SLC9A9: variants seen among roughly 807,000 people sequenced by gnomAD.
SLC9A9 encodes the protein sodium/hydrogen exchanger 9.
Under a neutral mutation model 77.8 loss-of-function variants are expected in SLC9A9, and 62 were observed. That is an observed-to-expected ratio of 0.80 (90% CI 0.65 to 0.98). The LOEUF is 0.98. SLC9A9 is among the 50% of genes least tolerant of loss of function. The pLI is 0.00. For missense variants in SLC9A9, 775 were observed against 774.9 expected (o/e 1.00, Z 0.00); for synonymous variants, 320 against 283.5 (o/e 1.13, Z -1.29).
chr3:143,275,648 C>G (rs1200339693), intron 14 of SLC9A9, among the ~76,000 whole-genome samples: 2 of 151,970 alleles, frequency 1.3e-5, no homozygotes, highest in Non-Finnish European at 2.9e-5. Flanking sequence ...TATTAAATGA[C>G]TTTTTCTATT....
In SLC9A9 at chr3:143,273,180, GA is replaced by G. The variant is rs762841834; in HGVS notation, c.1605-4201del. Among the ~76,000 whole-genome samples the G allele has an allele frequency of 1.5e-4, 23 of 152,288 alleles. No individual in the cohort carries two copies. In the Middle Eastern group the frequency reaches 0.01, roughly 68 times the overall value. On this transcript the variant is annotated intron_variant, in intron 14 of 15. Coordinates refer to ENST00000316549, the MANE Select transcript of SLC9A9 (RefSeq NM_173653.4). The stretch of plus-strand genomic sequence containing the variant: ...ATGATGTGGCTTTGCATAGGTCAGT[GA>G]GAAGCAAAAACCCCAACGATCCAGC...
chr3:143,518,789 G>T (rs2036246391), intron 9 of SLC9A9, among the ~76,000 whole-genome samples: 1 of 152,108 alleles, frequency 6.6e-6, no homozygotes, highest in African/African-American at 2.4e-5. Flanking sequence ...TATTGTTGAT[G>T]GACATTTTGG....
At chr3:143,653,053 T>A (rs2108749603) in intron 5 of SLC9A9, among the ~76,000 whole-genome samples, 1 of 152,296 alleles carries the variant, frequency 6.6e-6, no homozygotes, top group African/African-American at 2.4e-5. Flanking sequence ...ACTAAATGAA[T>A]GAGTGAATGA....
chr3:143,844,777 CTTTCT>C (rs1559824841), intron 1 of SLC9A9, among the ~76,000 whole-genome samples: 2 of 138,296 alleles, frequency 1.4e-5, no homozygotes, highest in African/African-American at 5.6e-5. Flanking sequence ...TTCTTTCTTT[CTTTCT>C]TTCTTTCTGA....
At chr3:143,629,563 G>A (rs11915862) in intron 6 of SLC9A9, among the ~76,000 whole-genome samples, 18,760 of 150,958 alleles carry the variant, frequency 0.12, 1,469 homozygotes, top group Non-Finnish European at 0.18. Flanking sequence ...GTATATGTGC[G>A]TGTGTGTGCG....
chr3:143,450,739 C>T (rs2034992886), intron 12 of SLC9A9, among the ~76,000 whole-genome samples: 1 of 152,146 alleles, frequency 6.6e-6, no homozygotes, highest in Admixed American at 6.5e-5. Context: ...AAAGGGTAGG[C>T]TTCTTTTGAT....
At chr3:143,377,773 G>C (rs1207696851) in intron 13 of SLC9A9, among the ~76,000 whole-genome samples, 5 of 152,116 alleles carry the variant, frequency 3.3e-5, no homozygotes, top group Non-Finnish European at 7.4e-5. Flanking sequence ...AACCATCAAG[G>C]GTGTCTATCA....
At chr3:143,700,018 A>G (rs1473036751) in intron 4 of SLC9A9, among the ~76,000 whole-genome samples, 6 of 151,984 alleles carry the variant, frequency 3.9e-5, no homozygotes, top group Non-Finnish European at 8.8e-5. Context: ...ATAGGGCACC[A>G]GTCAGAGTTG....
intron 4 of SLC9A9, among the ~76,000 whole-genome samples, chr3:143,782,049 A>G (rs1197791329): frequency 1.3e-5 from 2 of 152,224 alleles, no homozygotes; most frequent in African/African-American, 4.8e-5. Flanking sequence ...TGATGGTTCT[A>G]AGTGCTTAAC....
intron 12 of SLC9A9, among the ~76,000 whole-genome samples, chr3:143,397,498 A>G (rs1336116797): frequency 6.6e-6 from 1 of 152,216 alleles, no homozygotes; most frequent in Non-Finnish European, 1.5e-5. Context: ...CCAGACTCTC[A>G]GGGGTCTGAG....
chr3:143,684,919 A>G (rs1933214171), intron 5 of SLC9A9, among the ~76,000 whole-genome samples: 1 of 152,060 alleles, frequency 6.6e-6, no homozygotes. Context: ...TATTTTACCA[A>G]ATGGTATAAT....
intron 14 of SLC9A9, among the ~76,000 whole-genome samples, chr3:143,329,639 T>C (rs373126711): frequency 9.3e-4 from 141 of 152,316 alleles, no homozygotes; most frequent in African/African-American, 3.2e-3. Flanking sequence ...CTGGGGCTGA[T>C]GGAGAAGTGC....
At chr3:143,453,979 A>G (rs771124091) in intron 12 of SLC9A9, among the ~76,000 whole-genome samples, 2 of 152,162 alleles carry the variant, frequency 1.3e-5, no homozygotes, top group Non-Finnish European at 2.9e-5. Context: ...ATGTGAGGAC[A>G]TAGTGTGTTT....
At chr3:143,747,220 A>G (rs926455872) in intron 4 of SLC9A9, among the ~76,000 whole-genome samples, 6 of 152,054 alleles carry the variant, frequency 3.9e-5, no homozygotes, top group African/African-American at 1.2e-4. Flanking sequence ...CCTGGCCAAC[A>G]TGGTGAAACC....
chr3:143,667,949 G>T (rs2039097452), intron 5 of SLC9A9, among the ~76,000 whole-genome samples: 1 of 152,140 alleles, frequency 6.6e-6, no homozygotes, highest in African/African-American at 2.4e-5. Flanking sequence ...TCTAGAACCA[G>T]AAATACCATT....
rs1180769330 is a variant in SLC9A9 at position 143,788,742 on chromosome 3, G to GCATAAGCATACTT, written c.533+6258_533+6259insAAGTATGCTTATG. Among the ~76,000 whole-genome samples the GCATAAGCATACTT allele has an allele frequency of 7.5e-5, 11 of 146,392 alleles. 1 individual carries two copies. The stretch of plus-strand genomic sequence containing the variant: ...CTCTGATGATGTATACTTCATACAT[G>GCATAAGCATACTT]CATAAGCATGTATGAAGTAAAAGTA... On this transcript the variant is annotated intron_variant, in intron 4 of 15. Coordinates refer to ENST00000316549, the MANE Select transcript of SLC9A9 (RefSeq NM_173653.4).
intron 9 of SLC9A9, among the ~76,000 whole-genome samples, chr3:143,507,928 A>T (rs1399536238): frequency 6.6e-6 from 1 of 152,168 alleles, no homozygotes; most frequent in Non-Finnish European, 1.5e-5. Flanking sequence ...CTCTTCTAAT[A>T]ATGGCATGAA....
chr3:143,342,789 G>A (rs368778116), intron 14 of SLC9A9, among the ~76,000 whole-genome samples: 16 of 152,200 alleles, frequency 1.1e-4, no homozygotes. Flanking sequence ...TCACTCAGGT[G>A]GGGTATGGTG....
At chr3:143,764,933 T>C (rs1483751644) in intron 4 of SLC9A9, among the ~76,000 whole-genome samples, 1 of 151,612 alleles carries the variant, frequency 6.6e-6, no homozygotes, top group Non-Finnish European at 1.5e-5. Context: ...CCAGGAAACA[T>C]TTTTCTTTCT....
Sources: gnomAD v4.1 joint callset for allele counts (sites outside exome capture counted in the v4.1 genomes callset) on GRCh38, gnomAD v4.1.1 for gene constraint, MANE v1.5 for transcripts, NCBI Gene and HGNC (gene_info 2026-07-23, HGNC 2026-07-21) for gene names.